ARID2: variants seen among roughly 807,000 people sequenced by gnomAD.
ARID2 encodes the protein AT-rich interaction domain 2, also known as AT-rich interactive domain-containing protein 2.
A neutral mutation model predicts 184.6 loss-of-function variants in ARID2; 32 were observed. The observed-to-expected ratio is 0.17, with a 90% CI of 0.13 to 0.23. The LOEUF (loss-of-function observed/expected upper bound fraction) is 0.23. Ranked by LOEUF, ARID2 falls within the 10% of genes least tolerant of loss-of-function variation. ARID2 has a pLI of 1.00. For synonymous variants in ARID2, 836 were observed against 772.6 expected, an observed-to-expected ratio of 1.08 and a Z score of -1.36; for missense variants, 1,696 against 2,197.6, an observed-to-expected ratio of 0.77 and a Z score of 4.56.
intron 5 of ARID2, among the ~76,000 whole-genome samples, chr12:45,819,405 G>A (rs1382368517): frequency 6.6e-6 from 1 of 152,112 alleles, no homozygotes; most frequent in Non-Finnish European, 1.5e-5. Context: ...AGAAAGTTTA[G>A]TTCCACAGTA....
At chr12:45,887,725 A>G (rs1944218796) in intron 16 of ARID2, among the ~76,000 whole-genome samples, 1 of 152,206 alleles carries the variant, frequency 6.6e-6, no homozygotes. Flanking sequence ...CAGGAAGAGG[A>G]GTGGCCAGGC....
intron 15 of ARID2, among the ~76,000 whole-genome samples, chr12:45,853,734 A>G (rs1424839947): frequency 1.3e-5 from 2 of 152,176 alleles, no homozygotes; most frequent in African/African-American, 2.4e-5. Context: ...TTCTATGACT[A>G]CTGCCAACTC....
intron 3 of ARID2, among the ~76,000 whole-genome samples, chr12:45,766,908 C>A (rs966107938): frequency 1.3e-5 from 2 of 150,182 alleles, no homozygotes; most frequent in Non-Finnish European, 2.9e-5. Flanking sequence ...GCAGAGATTG[C>A]GGTGAGCCAA....
chr12:45,760,492 TG>T (rs1941654752), intron 3 of ARID2, among the ~76,000 whole-genome samples: 3 of 152,052 alleles, frequency 2.0e-5, no homozygotes, highest in African/African-American at 7.3e-5. Context: ...TCTGCGTGTG[TG>T]TTTTTTTGGT....
intron 5 of ARID2, 34 bp downstream of exon 5, chr12:45,817,922 T>C: frequency 1.3e-6 from 2 of 1,528,912 alleles, no homozygotes; most frequent in Non-Finnish European, 1.8e-6. Context: ...ATATAATTCT[T>C]CTGTAAAAGT....
At position 45,906,054 on chromosome 12, in the gene ARID2, A is replaced by G; in HGVS notation, c.*976A>G. The G allele has an allele frequency of 4.3e-6, 1 of 231,706 alleles. No homozygotes were observed. Among genetic ancestry groups the G allele is most frequent in the Non-Finnish European group, 8.5e-6 (1 of 117,314 alleles). The allele number at this position is 231,706 out of a possible 1,614,324, so 14.4% of individuals were successfully genotyped here. A position where few individuals can be genotyped will look rare whatever the true frequency, so the allele number is the denominator to read the frequency against. On this transcript the variant is annotated 3_prime_UTR_variant, in exon 21 of 21. Coordinates refer to ENST00000334344, the MANE Select transcript of ARID2 (RefSeq NM_152641.4). ...ATTTTTTAGAAGAAAAACTATTTGA[A>G]GGTATTTTTTGGTTTTCCTTAACAT...
intron 3 of ARID2, among the ~76,000 whole-genome samples, chr12:45,746,694 C>G (rs1941362101): frequency 6.6e-6 from 1 of 152,034 alleles, no homozygotes; most frequent in African/African-American, 2.4e-5. Context: ...CTGTTAATAT[C>G]CTGGTATTAT....
At chr12:45,809,824 G>C (rs1412686281) in intron 3 of ARID2, among the ~76,000 whole-genome samples, 1 of 152,136 alleles carries the variant, frequency 6.6e-6, no homozygotes, top group Non-Finnish European at 1.5e-5. Context: ...AAAGCTGGAA[G>C]GGGAAAATGA....
chr12:45,848,903 C>G lies in ARID2; in HGVS notation c.1648C>G (p.Leu550Val), dbSNP rs771945901. 15 of 1,612,088 alleles carry G rather than the reference C, an allele frequency of 9.3e-6. No homozygotes were observed. The highest frequency in any genetic ancestry group is 1.3e-5 in the Non-Finnish European group (15 of 1,178,856). Residue 550 changes from leucine (L) to valine (V), a missense_variant, in exon 13 of 21, where the codon CTC becomes GTC. Transcript: ENST00000334344. ...VSRAEMYSEY[L>V]STCSKLARGG... ...TCGAGCAGAAATGTATTCTGAATAC[C>G]TCTCGACTTGCAGTAAATTAGCTCG...
At position 45,831,483 on chromosome 12, in the gene ARID2, G is replaced by A. The variant is rs183732630; in HGVS notation, c.706-5106G>A. Among the ~76,000 whole-genome samples, 138 of 152,202 alleles carry A rather than the reference G, an allele frequency of 9.1e-4. 1 individual carries two copies. Among genetic ancestry groups the A allele is most frequent in the African/African-American group, 3.2e-3 (132 of 41,572 alleles). On this transcript the variant is annotated intron_variant, in intron 6 of 20. Transcript: ENST00000334344. ...GTTTAATGATCACATCAGGGTAAAT[G>A]GGGTATTCTTCACCTCAAACATCAT...
rs367634260 is a variant in ARID2, at chr12:45,806,479, T to A, written c.285-4939T>A. On this transcript the variant is annotated intron_variant, in intron 3 of 20. Coordinates refer to ENST00000334344, the MANE Select transcript of ARID2 (RefSeq NM_152641.4). The stretch of plus-strand genomic sequence containing the variant: ...CGGTCTCTCCTATAGGACTACTGGT[T>A]TTAAAATTTTTTCTGTGTTTGAGCT... 3.5e-4 allele frequency among the ~76,000 whole-genome samples: 53 copies of A among 152,294 alleles called. 2 individuals are homozygous for A. The South Asian group carries it at 0.01, about 29-fold the overall frequency.
At chr12:45,745,560 A>C (rs748896123) in intron 3 of ARID2, among the ~76,000 whole-genome samples, 4 of 152,050 alleles carry the variant, frequency 2.6e-5, no homozygotes, top group African/African-American at 9.7e-5. Flanking sequence ...TATTATTATT[A>C]TTTTTGAGAC....
At chr12:45,895,820 AC>A (rs1357921322) in intron 20 of ARID2, among the ~76,000 whole-genome samples, 4 of 152,228 alleles carry the variant, frequency 2.6e-5, no homozygotes, top group Non-Finnish European at 4.4e-5. Context: ...GGTGTGAGCC[AC>A]CGCACCTGGC....
intron 16 of ARID2, among the ~76,000 whole-genome samples, chr12:45,862,295 T>C (rs1943762983): frequency 6.6e-6 from 1 of 152,214 alleles, no homozygotes; most frequent in South Asian, 2.1e-4. Flanking sequence ...TAGTATAAAA[T>C]CTATTTGTCA....
At chr12:45,904,270 A>C (rs1183889085) in intron 20 of ARID2, 1 of 692,402 alleles carries the variant, frequency 1.4e-6, no homozygotes, top group East Asian at 2.7e-5. Context: ...TTTTAATTTC[A>C]TGTCATCCCT....
At chr12:45,840,795 A>G (rs1335274681) in intron 11 of ARID2, 1 of 152,172 alleles carries the variant, frequency 6.6e-6, no homozygotes, top group Non-Finnish European at 1.5e-5. Context: ...ACTCTATGCA[A>G]AGTATGTAAT....
intron 16 of ARID2, among the ~76,000 whole-genome samples, chr12:45,865,969 A>T (rs981763619): frequency 6.6e-6 from 1 of 152,112 alleles, no homozygotes; most frequent in Non-Finnish European, 1.5e-5. Context: ...TTTAAATTCC[A>T]AAAATAGCGT....
intron 3 of ARID2, among the ~76,000 whole-genome samples, chr12:45,765,471 A>G (rs954908152): frequency 2.0e-5 from 3 of 150,706 alleles, no homozygotes; most frequent in African/African-American, 7.3e-5. Flanking sequence ...TTAGCCTCCT[A>G]AAGTGTTGGA....
At position 45,729,862 on chromosome 12, in the gene ARID2, C is replaced by T; in HGVS notation, c.26C>T (p.Pro9Leu). Residue 9 changes from proline (P) to leucine (L), a missense_variant, in exon 1 of 21, where the codon CCT becomes CTT. By Grantham distance (98) the Pro-to-Leu change is moderately conservative. This residue lies in a region of ARID2 where 54 missense variants were observed against 59.9 expected (regional missense o/e 0.90). Coordinates refer to ENST00000334344, the MANE Select transcript of ARID2 (RefSeq NM_152641.4). ...ATGGCAAACTCGACGGGGAAGGCGC[C>T]TCCGGACGAGCGGAGAAAGGGACTC... MANSTGKA[P>L]PDERRKGLAF... 1 of 1,611,508 alleles carries T rather than the reference C, an allele frequency of 6.2e-7. No individual in the cohort carries two copies. The highest frequency in any genetic ancestry group is 8.5e-7 in the Non-Finnish European group (1 of 1,179,138).
Sources: gnomAD v4.1 joint callset for allele counts (sites outside exome capture counted in the v4.1 genomes callset) on GRCh38, gnomAD v4.1.1 for gene constraint, gnomAD v4.1.1 regional missense constraint, MANE v1.5 for transcripts, NCBI Gene and HGNC (gene_info 2026-07-23, HGNC 2026-07-21) for gene names.